FMR1: variants seen among roughly 807,000 people sequenced by gnomAD.
The protein encoded by FMR1 is fragile X messenger ribonucleoprotein 1.
Under a neutral mutation model 50.6 loss-of-function variants are expected in FMR1, and 13 were observed. The observed-to-expected ratio is 0.26, with a 90% CI of 0.17 to 0.41. The LOEUF (loss-of-function observed/expected upper bound fraction) is 0.41. Ranked by LOEUF, FMR1 falls within the 10% of genes least tolerant of loss-of-function variation. FMR1 has a pLI of 1.00. For missense variants in FMR1, 316 were observed against 491.3 expected (o/e 0.64, Z 3.37); for synonymous variants, 138 against 164.1 (o/e 0.84, Z 1.22).
intron 9 of FMR1, chrX:147,933,400 G>A (rs1603003901): frequency 1.1e-6 from 1 of 927,029 alleles, no homozygotes; most frequent in East Asian, 4.0e-5. Flanking sequence ...AATTATCTCA[G>A]GGTTGAAGAT....
rs1283464079 is a variant in FMR1, at chrX:147,911,931, C to T, written c.-249C>T. 1.8e-5 allele frequency: 2 copies of T among 111,328 alleles called. No homozygotes were observed. Among genetic ancestry groups the T allele is most frequent in the Non-Finnish European group, 3.8e-5 (2 of 52,583 alleles). The allele number at this position is 111,328 out of a possible 1,213,427, so 9.2% of individuals were successfully genotyped here. Reference sequence around the variant, plus strand: ...CCGGGGGTTCGGCCTCAGTCAGGCGCTCAGCTCCGTTTCGGTTTCACTTCC... The same window carrying T: ...CCGGGGGTTCGGCCTCAGTCAGGCGTTCAGCTCCGTTTCGGTTTCACTTCC... On this transcript the variant is annotated 5_prime_UTR_variant, in exon 1 of 17. Transcript: ENST00000370475.
At chrX:147,916,080 A>G (rs1205409245) in intron 1 of FMR1, among the ~76,000 whole-genome samples, 1 of 112,168 alleles carries the variant, frequency 8.9e-6, no homozygotes, top group Non-Finnish European at 1.9e-5. Context: ...TTTGTTACTA[A>G]TTCTTGAACC....
At chrX:147,939,835 G>A (rs1467446607) in intron 12 of FMR1, among the ~76,000 whole-genome samples, 1 of 103,698 alleles carries the variant, frequency 9.6e-6, no homozygotes, top group African/African-American at 3.6e-5. Flanking sequence ...GGGAGGTCGA[G>A]GCTACAGCGA....
intron 3 of FMR1, chrX:147,927,736 A>G (rs1456869646): frequency 8.9e-6 from 1 of 112,668 alleles, no homozygotes; most frequent in Non-Finnish European, 1.9e-5. Flanking sequence ...AGACCAGGAA[A>G]GTGATATCCA....
intron 2 of FMR1, among the ~76,000 whole-genome samples, chrX:147,922,788 C>T (rs940979733): frequency 9.0e-6 from 1 of 111,154 alleles, no homozygotes; most frequent in Non-Finnish European, 1.9e-5. Context: ...ATATCAAAAG[C>T]AGGCTGCAAA....
At chrX:147,941,773 G>GT (rs2044015401) in intron 13 of FMR1, among the ~76,000 whole-genome samples, 1 of 112,004 alleles carries the variant, frequency 8.9e-6, no homozygotes, top group Non-Finnish European at 1.9e-5. Flanking sequence ...GGATTGCATT[G>GT]TATCAAATCC....
At chrX:147,929,597 A>T (rs2043518014) in intron 5 of FMR1, among the ~76,000 whole-genome samples, 1 of 110,472 alleles carries the variant, frequency 9.1e-6, no homozygotes, top group Admixed American at 9.7e-5. Context: ...TTAAAAAAAA[A>T]GGAAAAAAAA....
chrX:147,947,448 C>A (rs1313933336), intron 16 of FMR1: 1 of 105,884 alleles, frequency 9.4e-6, no homozygotes, highest in Non-Finnish European at 1.9e-5. Context: ...CGGTGGCGCA[C>A]GCCTGTAATC....
rs782157694 is a variant in FMR1, at chrX:147,949,219, A to G, written c.*375A>G. On this transcript the variant is annotated 3_prime_UTR_variant, in exon 17 of 17. Transcript: ENST00000370475. ...AATATATAGCATTTATGGTAATCAT[A>G]TTAGACTTCTGTTTTCAATCTCGTA... The G allele has an allele frequency of 5.0e-5, 17 of 338,862 alleles. No homozygotes were observed. The highest frequency in any genetic ancestry group is 4.4e-4 in the South Asian group (17 of 38,481). The allele number at this position is 338,862 out of a possible 1,213,427, so 27.9% of individuals were successfully genotyped here.
rs1557183397 is a variant in FMR1 at position 147,950,431 on chromosome X, C to T, written c.*1587C>T. On this transcript the variant is annotated 3_prime_UTR_variant, in exon 17 of 17. Transcript: ENST00000370475. ...TTTGAAAACAGAAATTGGTACCTTG[C>T]ACACATCATCTGTAAGCTGTTTGGT... 2 of 329,649 alleles carry T rather than the reference C, an allele frequency of 6.1e-6. No individual in the cohort carries two copies. The highest frequency in any genetic ancestry group is 9.7e-5 in the East Asian group (1 of 10,348). 27.2% of individuals were successfully genotyped at this position (329,649 alleles called of 1,213,427 possible). A position where few individuals can be genotyped will look rare whatever the true frequency, so the allele number is the denominator to read the frequency against.
intron 11 of FMR1, 28 bp downstream of exon 11, chrX:147,937,628 C>CTTGTATTGT: frequency 1.4e-6 from 1 of 704,081 alleles, no homozygotes; most frequent in Non-Finnish European, 2.3e-6. Context: ...CTTTGAATTA[C>CTTGTATTGT]AATACAAGTA....
chrX:147,949,689 G>A lies in FMR1; in HGVS notation c.*845G>A, dbSNP rs2044275404. 1 of 327,606 alleles carries A rather than the reference G, an allele frequency of 3.1e-6. No homozygotes were observed. The highest frequency in any genetic ancestry group is 2.7e-5 in the African/African-American group (1 of 37,542). The allele number at this position is 327,606 out of a possible 1,213,427, so 27.0% of individuals were successfully genotyped here. A position where few individuals can be genotyped will look rare whatever the true frequency, so the allele number is the denominator to read the frequency against. On this transcript the variant is annotated 3_prime_UTR_variant, in exon 17 of 17. Transcript: ENST00000370475. ...AAGAAAGAACTATCTTCATCTGAGA[G>A]AGGCTAAAATGTTTTCAGCTAGGAA... is the stretch of plus-strand genomic sequence containing the variant.
chrX:147,930,584 C>G (rs782080368), intron 7 of FMR1, among the ~76,000 whole-genome samples: 2 of 111,638 alleles, frequency 1.8e-5, no homozygotes, highest in Non-Finnish European at 3.8e-5. Flanking sequence ...TCATATTCCT[C>G]TCATTATGTA....
intron 1 of FMR1, among the ~76,000 whole-genome samples, chrX:147,917,080 A>G (rs911075616): frequency 3.6e-5 from 4 of 112,215 alleles, no homozygotes; most frequent in Non-Finnish European, 7.5e-5. Context: ...TTTCCTAACG[A>G]GAATTATCAT....
intron 14 of FMR1, chrX:147,944,167 T>G (rs1163912320): frequency 1.3e-6 from 1 of 752,329 alleles, no homozygotes; most frequent in Non-Finnish European, 1.6e-6. Context: ...CTGTTCTTTT[T>G]ACTCATGAAT....
rs187302252 is a variant in FMR1, at chrX:147,924,417, G to A, written c.105-1123G>A. 6.4e-5 allele frequency among the ~76,000 whole-genome samples: 7 copies of A among 108,937 alleles called. No homozygotes were observed. The East Asian group carries it at 1.4e-3, about 22-fold the overall frequency. 94.6% of individuals were successfully genotyped at this position (108,937 alleles called of 115,157 possible). A position where few individuals can be genotyped will look rare whatever the true frequency, so the allele number is the denominator to read the frequency against. ...AAAAGAACCCAGATGTGACTGCTCC[G>A]GAAGTTGAATCCTCAGTATTTTTGC... is the stretch of plus-strand genomic sequence containing the variant. On this transcript the variant is annotated intron_variant, in intron 2 of 16. Coordinates refer to ENST00000370475, the MANE Select transcript of FMR1 (RefSeq NM_002024.6).
chrX:147,916,427 C>T (rs972794444), intron 1 of FMR1, among the ~76,000 whole-genome samples: 7 of 110,562 alleles, frequency 6.3e-5, no homozygotes, highest in African/African-American at 2.3e-4. Flanking sequence ...CCCCATACAA[C>T]GGGGCGGGGG....
intron 14 of FMR1, 184 bp from the exon 15 acceptor site, chrX:147,944,685 C>A: frequency 9.6e-7 from 1 of 1,045,003 alleles, no homozygotes; most frequent in East Asian, 3.5e-5. Flanking sequence ...TCAAATATTG[C>A]AAAGCCCTTC....
chrX:147,936,694 T>C (rs951551613), intron 10 of FMR1, 81 bp downstream of exon 10: 2 of 581,249 alleles, frequency 3.4e-6, no homozygotes, highest in Non-Finnish European at 6.0e-6. Flanking sequence ...ACCTCTAATA[T>C]GTGCATAAAG....
Sources: gnomAD v4.1 joint callset for allele counts (sites outside exome capture counted in the v4.1 genomes callset) on GRCh38, gnomAD v4.1.1 for gene constraint, MANE v1.5 for transcripts, NCBI Gene and HGNC (gene_info 2026-07-23, HGNC 2026-07-21) for gene names.